Variants in GABRG3 observed in about 807,000 individuals in gnomAD.
GABRG3 encodes gamma-aminobutyric acid receptor subunit gamma-3.
A neutral mutation model predicts 48.8 loss-of-function variants in GABRG3; 25 were observed. The ratio of observed to expected loss-of-function variants is 0.51; its 90% confidence interval spans 0.37 to 0.72. GABRG3 has a LOEUF of 0.72. GABRG3 is among the 30% of genes least tolerant of loss of function. GABRG3 has a pLI of 0.00. For synonymous variants in GABRG3, 227 were observed against 217.6 expected, an observed-to-expected ratio of 1.04 and a Z score of -0.38; for missense variants, 394 against 577.9, an observed-to-expected ratio of 0.68 and a Z score of 3.26.
chr15:27,500,071 A>C (rs1890582257), intron 6 of GABRG3, among the ~76,000 whole-genome samples: 1 of 152,158 alleles, frequency 6.6e-6, no homozygotes, highest in Non-Finnish European at 1.5e-5. Flanking sequence ...AAGCAAGCTC[A>C]TTTCTCTCTG....
chr15:27,441,074 T>C (rs912860855), intron 5 of GABRG3, among the ~76,000 whole-genome samples: 2 of 152,222 alleles, frequency 1.3e-5, no homozygotes, highest in African/African-American at 4.8e-5. Context: ...GAAAAAAAGA[T>C]CAAGGGGTTG....
chr15:27,381,304 G>A (rs761710366), intron 5 of GABRG3, among the ~76,000 whole-genome samples: 4 of 152,172 alleles, frequency 2.6e-5, no homozygotes, highest in African/African-American at 7.2e-5. Flanking sequence ...GAATGCTCTC[G>A]GCATATTTCA....
chr15:27,500,775 GCATT>G (rs1890603771), intron 6 of GABRG3, among the ~76,000 whole-genome samples: 1 of 151,854 alleles, frequency 6.6e-6, no homozygotes, highest in African/African-American at 2.4e-5. Context: ...CTGATCATCT[GCATT>G]CATCATATCA....
intron 3 of GABRG3, among the ~76,000 whole-genome samples, chr15:27,303,368 C>T (rs1409704474): frequency 1.3e-5 from 2 of 151,654 alleles, no homozygotes; most frequent in South Asian, 2.1e-4. Context: ...ACCAATTCTT[C>T]CAGGAACACA....
intron 6 of GABRG3, among the ~76,000 whole-genome samples, chr15:27,483,774 A>G (rs920521797): frequency 2.0e-5 from 3 of 152,140 alleles, no homozygotes; most frequent in African/African-American, 7.2e-5. Context: ...GTGTACTAAG[A>G]CTTCTGACTG....
intron 3 of GABRG3, among the ~76,000 whole-genome samples, chr15:27,118,412 T>G (rs1044994384): frequency 3.3e-5 from 5 of 152,220 alleles, no homozygotes; most frequent in Non-Finnish European, 5.9e-5. Context: ...GCCCTCTGTT[T>G]TATGTTACTA....
intron 3 of GABRG3, among the ~76,000 whole-genome samples, chr15:27,313,515 C>A (rs1893102933): frequency 1.3e-5 from 2 of 150,986 alleles, no homozygotes; most frequent in East Asian, 3.9e-4. Context: ...ACATTCCACC[C>A]AACGGCAGCA....
intron 5 of GABRG3, among the ~76,000 whole-genome samples, chr15:27,388,235 A>G (rs1440613327): frequency 2.6e-5 from 1 of 38,224 alleles, no homozygotes; most frequent in African/African-American, 1.3e-4. Flanking sequence ...GAAAGGGAGG[A>G]GGGAGGGAGG....
At chr15:27,219,892 A>G (rs1008350411) in intron 3 of GABRG3, among the ~76,000 whole-genome samples, 4 of 152,222 alleles carry the variant, frequency 2.6e-5, no homozygotes, top group South Asian at 2.1e-4. Context: ...ACTGTTTTTC[A>G]TAAGAACGAC....
intron 3 of GABRG3, chr15:27,271,627 A>G (rs1279301289): frequency 2.2e-6 from 1 of 455,798 alleles, no homozygotes; most frequent in Non-Finnish European, 4.4e-6. Flanking sequence ...TGGCAGGAAA[A>G]TAAGCTGTCT....
intron 5 of GABRG3, chr15:27,364,407 GC>G (rs1895122466): frequency 6.6e-6 from 1 of 152,534 alleles, no homozygotes. Context: ...CTCTTATGTT[GC>G]CTGATAACAA....
chr15:27,234,409 T>C (rs1889893798), intron 3 of GABRG3, among the ~76,000 whole-genome samples: 1 of 152,186 alleles, frequency 6.6e-6, no homozygotes, highest in South Asian at 2.1e-4. Context: ...GGCCTCCGTC[T>C]TCTCATCTGT....
intron 3 of GABRG3, among the ~76,000 whole-genome samples, chr15:27,068,637 C>G (rs1292934528): frequency 6.6e-6 from 1 of 152,184 alleles, no homozygotes; most frequent in Non-Finnish European, 1.5e-5. Flanking sequence ...GAATTCAGAG[C>G]TGAGAGGCAT....
intron 5 of GABRG3, among the ~76,000 whole-genome samples, chr15:27,442,594 A>G (rs1345291306): frequency 6.6e-6 from 1 of 152,182 alleles, no homozygotes; most frequent in Non-Finnish European, 1.5e-5. Flanking sequence ...CCTGGCAGCT[A>G]GAGCCCACAT....
chr15:27,187,434 C>A (rs1338137806), intron 3 of GABRG3, among the ~76,000 whole-genome samples: 1 of 152,030 alleles, frequency 6.6e-6, no homozygotes, highest in East Asian at 1.9e-4. Context: ...TTATCTAATT[C>A]TGTGAAGAAA....
At chr15:27,035,110 C>T (rs1414424054) in intron 3 of GABRG3, among the ~76,000 whole-genome samples, 1 of 152,208 alleles carries the variant, frequency 6.6e-6, no homozygotes, top group African/African-American at 2.4e-5. Flanking sequence ...CACATGTCTC[C>T]ATCCCTGGAA....
intron 7 of GABRG3, among the ~76,000 whole-genome samples, chr15:27,522,530 G>A (rs1891183533): frequency 6.6e-6 from 1 of 151,702 alleles, no homozygotes; most frequent in East Asian, 1.9e-4. Flanking sequence ...AAAATAAAAT[G>A]TAAGCCATAA....
intron 3 of GABRG3, among the ~76,000 whole-genome samples, chr15:27,120,648 C>T (rs1897715528): frequency 6.6e-6 from 1 of 152,076 alleles, no homozygotes; most frequent in African/African-American, 2.4e-5. Flanking sequence ...CGCTCCTGGA[C>T]TGGGCTCCTA....
intron 2 of GABRG3, among the ~76,000 whole-genome samples, chr15:26,977,831 A>G (rs1894980914): frequency 6.6e-6 from 1 of 152,188 alleles, no homozygotes; most frequent in Non-Finnish European, 1.5e-5. Flanking sequence ...TTTTTGGGAT[A>G]AATACCCAGG....
Sources: allele counts gnomAD v4.1 joint callset (sites outside exome capture counted in the v4.1 genomes callset), GRCh38; gene constraint gnomAD v4.1.1; transcripts MANE v1.5; gene names NCBI Gene and HGNC (gene_info 2026-07-23, HGNC 2026-07-21).